The following STK31 variants were observed in gnomAD, a reference collection of about 807,000 sequenced individuals.
The protein encoded by STK31 is serine/threonine-protein kinase 31.
In STK31, 89 loss-of-function variants were observed where a neutral mutation model predicts 129.7. That is an observed-to-expected ratio of 0.69 (90% CI 0.58 to 0.82). The LOEUF is 0.82. STK31 is among the 40% of genes least tolerant of loss of function. The pLI is 0.00. For missense variants in STK31, 1,187 were observed against 1,176.4 expected, an observed-to-expected ratio of 1.01 and a Z score of -0.13; for synonymous variants, 448 against 395.3, an observed-to-expected ratio of 1.13 and a Z score of -1.58.
At chr7:23,754,595 G>C in intron 10 of STK31, 121 bp downstream of exon 10, 1 of 1,076,164 alleles carries the variant, frequency 9.3e-7, no homozygotes, top group African/African-American at 1.6e-5. Context: ...TTGTTACATA[G>C]GTATACATGC....
intron 11 of STK31, among the ~76,000 whole-genome samples, chr7:23,763,598 A>G (rs948500891): frequency 4.6e-5 from 7 of 151,602 alleles, no homozygotes; most frequent in East Asian, 1.9e-4. Flanking sequence ...GATTGCTTTT[A>G]TGAATATTAT....
intron 3 of STK31, among the ~76,000 whole-genome samples, chr7:23,714,419 G>A (rs1786172551): frequency 1.3e-5 from 2 of 152,114 alleles, no homozygotes; most frequent in South Asian, 4.1e-4. Flanking sequence ...CTAGACTAGT[G>A]CTGTCTAGTA....
chr7:23,810,759 T>G (rs1245114508), intron 22 of STK31, among the ~76,000 whole-genome samples: 1 of 130,608 alleles, frequency 7.7e-6, no homozygotes, highest in African/African-American at 3.1e-5. Flanking sequence ...ATATATAATA[T>G]ATAATATATA....
intron 23 of STK31, among the ~76,000 whole-genome samples, chr7:23,816,482 A>C (rs73086951): frequency 0.025 from 3,809 of 152,314 alleles, 89 homozygotes; most frequent in African/African-American, 0.062. Context: ...AGTTAATTTA[A>C]GGTTGCAGTT....
intron 11 of STK31, among the ~76,000 whole-genome samples, chr7:23,767,664 C>T (rs990189366): frequency 8.5e-5 from 13 of 152,258 alleles, no homozygotes; most frequent in African/African-American, 3.1e-4. Context: ...CAGTTTTTGC[C>T]TCATCTGTGT....
At chr7:23,748,864 T>C (rs1297927844) in intron 8 of STK31, among the ~76,000 whole-genome samples, 1 of 152,238 alleles carries the variant, frequency 6.6e-6, no homozygotes. Context: ...TCTAAAGTTA[T>C]ACATAAATTT....
intron 10 of STK31, among the ~76,000 whole-genome samples, chr7:23,755,633 G>C (rs571150612): frequency 7.2e-5 from 11 of 152,154 alleles, no homozygotes; most frequent in Non-Finnish European, 1.6e-4. Flanking sequence ...ATAGTTTTAG[G>C]TTTTACATTT....
At chr7:23,751,069 T>C (rs1788681340) in intron 8 of STK31, among the ~76,000 whole-genome samples, 1 of 152,250 alleles carries the variant, frequency 6.6e-6, no homozygotes, top group South Asian at 2.1e-4. Context: ...CATTCCACTC[T>C]CTACCTCCAT....
rs558619065 is a variant in STK31, at chr7:23,732,256, C to T, written c.483+3007C>T. On this transcript the variant is annotated intron_variant, in intron 6 of 23. Transcript: ENST00000355870. ...AGCTTGAGGGGTCAAGGCTGTGAGACCCTGTCTGAAAAAAAAAAGATAAAA... is the reference window on the plus strand; with the variant it reads ...AGCTTGAGGGGTCAAGGCTGTGAGATCCTGTCTGAAAAAAAAAAGATAAAA... Among the ~76,000 whole-genome samples, 9 of 151,470 alleles carry T rather than the reference C, an allele frequency of 5.9e-5. No homozygotes were observed. In the East Asian group the frequency reaches 1.7e-3, roughly 29 times the overall value.
intron 4 of STK31, chr7:23,722,507 G>C (rs181737293): frequency 4.3e-4 from 66 of 152,712 alleles, no homozygotes; most frequent in African/African-American, 1.3e-3. Context: ...ACTGGGGGGT[G>C]CCTCCCAGTT....
intron 3 of STK31, among the ~76,000 whole-genome samples, chr7:23,715,779 G>T (rs1425774111): frequency 6.6e-6 from 1 of 151,888 alleles, no homozygotes; most frequent in Non-Finnish European, 1.5e-5. Context: ...CTCTTTCAGA[G>T]TTTTTTTTCA....
intron 22 of STK31, among the ~76,000 whole-genome samples, chr7:23,804,943 C>T (rs1462229149): frequency 6.6e-6 from 1 of 152,210 alleles, no homozygotes; most frequent in East Asian, 1.9e-4. Context: ...TGGACCCTAT[C>T]ATACAATTCC....
At chr7:23,717,395 T>C (rs1022983339) in intron 3 of STK31, 86 bp from the exon 4 acceptor site, 15 of 510,112 alleles carry the variant, frequency 2.9e-5, no homozygotes, top group Admixed American at 5.6e-5. Flanking sequence ...TAAAATCTTT[T>C]AAGTTTATCA....
At chr7:23,811,756 G>C (rs1029010277) in intron 22 of STK31, 1 of 152,856 alleles carries the variant, frequency 6.5e-6, no homozygotes. Flanking sequence ...TTGTGTTTTT[G>C]AGTGTATTGC....
chr7:23,784,882 G>A (rs868403849), intron 17 of STK31, among the ~76,000 whole-genome samples: 1 of 152,118 alleles, frequency 6.6e-6, no homozygotes, highest in African/African-American at 2.4e-5. Context: ...CAGGGGCAGA[G>A]GTGTTAGAAT....
intron 4 of STK31, chr7:23,722,928 A>T (rs548536081): frequency 6.6e-6 from 1 of 152,180 alleles, no homozygotes; most frequent in Non-Finnish European, 1.5e-5. Flanking sequence ...GGCTAAGGCT[A>T]TTGGAAAAGT....
intron 22 of STK31, among the ~76,000 whole-genome samples, chr7:23,792,017 G>A (rs1791651310): frequency 6.6e-6 from 1 of 152,152 alleles, no homozygotes. Context: ...TATTCCTTCA[G>A]TTTGCTATTA....
intron 15 of STK31, among the ~76,000 whole-genome samples, chr7:23,773,859 A>G (rs1035050607): frequency 1.6e-4 from 25 of 151,654 alleles, no homozygotes; most frequent in Admixed American, 4.6e-4. Context: ...TACATGTGCC[A>G]TGTTGGTTTG....
intron 23 of STK31, among the ~76,000 whole-genome samples, chr7:23,829,009 C>T (rs911671608): frequency 1.3e-5 from 2 of 151,808 alleles, no homozygotes; most frequent in East Asian, 3.9e-4. Flanking sequence ...AAGCAGTTCT[C>T]TTGCCTCAGC....
Sources: gnomAD v4.1 joint callset for allele counts (sites outside exome capture counted in the v4.1 genomes callset) on GRCh38, gnomAD v4.1.1 for gene constraint, MANE v1.5 for transcripts, NCBI Gene and HGNC (gene_info 2026-07-23, HGNC 2026-07-21) for gene names.